The following CHM variants were observed in gnomAD, a reference collection of about 807,000 sequenced individuals.
The protein encoded by CHM is rab proteins geranylgeranyltransferase component A 1.
Under a neutral mutation model 49.0 loss-of-function variants are expected in CHM, and 10 were observed. That is an observed-to-expected ratio of 0.20 (90% CI 0.13 to 0.35). The LOEUF (loss-of-function observed/expected upper bound fraction) is 0.35, where lower values mean the gene tolerates loss of function less well. Ranked by LOEUF, CHM falls within the 10% of genes least tolerant of loss-of-function variation. CHM has a pLI of 1.00. For missense variants in CHM, 455 were observed against 478.4 expected (o/e 0.95, Z 0.46); for synonymous variants, 184 against 167.5 (o/e 1.10, Z -0.76).
At chrX:85,944,069 T>C (rs1437853012) in intron 8 of CHM, among the ~76,000 whole-genome samples, 5 of 111,948 alleles carry the variant, frequency 4.5e-5, no homozygotes, top group African/African-American at 1.6e-4. Context: ...CATCTCAATG[T>C]TGCTCTGACT....
rs1441186920 is a variant in CHM at position 85,862,044 on chromosome X, T to C, written c.*2586A>G. On this transcript the variant is annotated 3_prime_UTR_variant, in exon 15 of 15. Transcript: ENST00000357749. ...TGTTACATTTTGAGGCAACAGGAAA[T>C]ATATAAAGTTCTTAAAGTCTTTTAT... The C allele has an allele frequency of 8.9e-6, 1 of 112,328 alleles. No homozygotes were observed. Among genetic ancestry groups the C allele is most frequent in the Non-Finnish European group, 1.9e-5 (1 of 53,269 alleles). 9.3% of individuals were successfully genotyped at this position (112,328 alleles called of 1,213,427 possible).
chrX:85,896,453 A>T (rs1266569548), intron 11 of CHM, among the ~76,000 whole-genome samples: 1 of 111,300 alleles, frequency 9.0e-6, no homozygotes, highest in Non-Finnish European at 1.9e-5. Flanking sequence ...CTGTTCCCAG[A>T]AGTAGGGAAC....
chrX:85,990,392 A>C (rs907591877), intron 2 of CHM, among the ~76,000 whole-genome samples: 5 of 111,558 alleles, frequency 4.5e-5, no homozygotes, highest in African/African-American at 1.6e-4. Flanking sequence ...ACTGCGCTTA[A>C]TACCTGGTTG....
intron 2 of CHM, among the ~76,000 whole-genome samples, chrX:86,007,841 T>C (rs1932897650): frequency 8.9e-6 from 1 of 112,229 alleles, no homozygotes; most frequent in East Asian, 2.8e-4. Flanking sequence ...TTGTGGAAGT[T>C]GGTGTGGCAA....
chrX:86,004,478 G>C (rs1344622007), intron 2 of CHM, among the ~76,000 whole-genome samples: 1 of 111,699 alleles, frequency 9.0e-6, no homozygotes, highest in African/African-American at 3.3e-5. Flanking sequence ...AAATTGGATA[G>C]AGTCAAGACC....
At chrX:85,928,013 A>T (rs1187055745) in intron 8 of CHM, among the ~76,000 whole-genome samples, 1 of 112,196 alleles carries the variant, frequency 8.9e-6, no homozygotes, top group Non-Finnish European at 1.9e-5. Context: ...CAGCTAATAA[A>T]GTGAAGGTCA....
intron 9 of CHM, among the ~76,000 whole-genome samples, chrX:85,907,246 C>T (rs973961604): frequency 8.9e-6 from 1 of 112,250 alleles, no homozygotes; most frequent in African/African-American, 3.2e-5. Context: ...AGTAGGAAAG[C>T]TGGTAAGTGA....
intron 2 of CHM, among the ~76,000 whole-genome samples, chrX:86,003,087 G>A (rs1932780181): frequency 8.9e-6 from 1 of 112,065 alleles, no homozygotes; most frequent in Non-Finnish European, 1.9e-5. Context: ...TTGCTGTTGT[G>A]CAGCCTCCGC....
intron 1 of CHM, among the ~76,000 whole-genome samples, chrX:86,027,826 C>A (rs1350600134): frequency 9.0e-6 from 1 of 110,513 alleles, no homozygotes; most frequent in East Asian, 2.8e-4. Context: ...TACAGTGGCG[C>A]GATCTCGGCT....
intron 8 of CHM, among the ~76,000 whole-genome samples, chrX:85,929,220 G>A (rs1307119998): frequency 1.8e-5 from 2 of 111,386 alleles, no homozygotes; most frequent in Non-Finnish European, 3.8e-5. Context: ...CAACCTTTCC[G>A]CATATCAAAA....
intron 3 of CHM, 25 bp downstream of exon 3, chrX:85,981,712 T>A: frequency 9.0e-7 from 1 of 1,112,041 alleles, no homozygotes; most frequent in Non-Finnish European, 1.2e-6. Context: ...ACAAAGCAAA[T>A]TAAAAGGTCA....
intron 2 of CHM, among the ~76,000 whole-genome samples, chrX:86,021,157 T>TATAC (rs1174140484): frequency 2.5e-4 from 13 of 51,117 alleles, no homozygotes; most frequent in South Asian, 1.5e-3. Context: ...TATATATATA[T>TATAC]ACACGTATAT....
chrX:85,913,029 A>G (rs868437288), intron 8 of CHM, among the ~76,000 whole-genome samples: 2 of 77,673 alleles, frequency 2.6e-5, no homozygotes, highest in Admixed American at 1.4e-4. Flanking sequence ...AAAAAAAAAA[A>G]AAAAAAAAAA....
Position 85,864,322 on chromosome X carries a change from G to A in CHM, c.*308C>T, listed in dbSNP as rs778592284. The stretch of plus-strand genomic sequence containing the variant: ...TAAGCAAAATTGTCCTAAGACCATG[G>A]AATTATTAACAATGCATAGGATCAC... On this transcript the variant is annotated 3_prime_UTR_variant, in exon 15 of 15. Transcript: ENST00000357749. 7.5e-6 allele frequency: 2 copies of A among 265,231 alleles called. No homozygotes were observed. The highest frequency in any genetic ancestry group is 5.7e-5 in the Admixed American group (1 of 17,567). The allele number at this position is 265,231 out of a possible 1,213,427, so 21.9% of individuals were successfully genotyped here.
intron 12 of CHM, among the ~76,000 whole-genome samples, chrX:85,892,186 T>C (rs1264397202): frequency 9.0e-6 from 1 of 111,447 alleles, no homozygotes; most frequent in Non-Finnish European, 1.9e-5. Flanking sequence ...GATGAGACTT[T>C]GGACTGTGGA....
intron 1 of CHM, among the ~76,000 whole-genome samples, chrX:86,045,418 A>G (rs2147816388): frequency 8.9e-6 from 1 of 112,355 alleles, no homozygotes; most frequent in South Asian, 3.7e-4. Flanking sequence ...TAAAAGCAAA[A>G]TTACATATCA....
chrX:85,954,272 T>C (rs1038196331), intron 8 of CHM, among the ~76,000 whole-genome samples: 4 of 111,991 alleles, frequency 3.6e-5, no homozygotes, highest in African/African-American at 9.7e-5. Flanking sequence ...AGAAAGACAC[T>C]AGCAAATGCT....
intron 3 of CHM, among the ~76,000 whole-genome samples, 189 bp downstream of exon 3, chrX:85,981,548 A>C (rs1257171924): frequency 9.0e-6 from 1 of 111,420 alleles, no homozygotes; most frequent in Non-Finnish European, 1.9e-5. Context: ...TTTATATTTA[A>C]AAAGGGATAA....
intron 12 of CHM, among the ~76,000 whole-genome samples, chrX:85,892,527 T>G (rs1239461995): frequency 3.6e-5 from 4 of 110,142 alleles, no homozygotes; most frequent in Non-Finnish European, 7.6e-5. Context: ...TGTTAAGAAG[T>G]GCCTTTTGCC....
Sources: allele counts gnomAD v4.1 joint callset (sites outside exome capture counted in the v4.1 genomes callset), GRCh38; gene constraint gnomAD v4.1.1; transcripts MANE v1.5; gene names NCBI Gene and HGNC (gene_info 2026-07-23, HGNC 2026-07-21).